Variants in DHX57 observed in about 807,000 individuals in gnomAD.
DHX57 encodes putative ATP-dependent RNA helicase DHX57.
DHX57 carries 105 observed loss-of-function variants against 156.2 expected under a neutral mutation model. The ratio of observed to expected loss-of-function variants is 0.67; its 90% CI spans 0.57 to 0.79. DHX57 has a LOEUF of 0.79. DHX57 is among the 30% of genes least tolerant of loss of function. The pLI, the probability that DHX57 is intolerant of heterozygous loss-of-function variation, is 0.00. For synonymous variants in DHX57, 704 were observed against 595.6 expected (o/e 1.18, Z -2.65); for missense variants, 1,847 against 1,661.9 (o/e 1.11, Z -1.94).
rs1453829090 is a variant in DHX57 at position 38,861,661 on chromosome 2, TC to T, written c.748del (p.Glu250LysfsTer15). ...GATGGACTTGAGAGCAAATGCCTCT[TC>T]CTGTCGCTGTTCCATACACTCATCC... ...SLDECMEQRQ[E>X]EAFALKSICG... On this transcript the variant is annotated frameshift_variant, in exon 5 of 24. Coordinates refer to ENST00000457308, the MANE Select transcript of DHX57 (RefSeq NM_198963.3). LOFTEE classifies it high-confidence loss of function. 6.2e-7 allele frequency: 1 copy of T among 1,614,042 alleles called. No individual in the cohort carries two copies. The highest frequency in any genetic ancestry group is 1.3e-5 in the African/African-American group (1 of 74,930).
intron 13 of DHX57, among the ~76,000 whole-genome samples, chr2:38,836,281 C>T (rs978160064): frequency 1.3e-5 from 2 of 152,210 alleles, no homozygotes; most frequent in African/African-American, 4.8e-5. Flanking sequence ...CCTCCCCTTC[C>T]ACTTCTTCCA....
intron 12 of DHX57, among the ~76,000 whole-genome samples, chr2:38,839,409 A>G (rs1054237453): frequency 7.5e-4 from 114 of 151,960 alleles, no homozygotes; most frequent in African/African-American, 2.4e-3. Flanking sequence ...GAGAAGTTTG[A>G]AGAGGGACAA....
chr2:38,817,049 G>A (rs1670579329), intron 19 of DHX57, among the ~76,000 whole-genome samples: 1 of 152,236 alleles, frequency 6.6e-6, no homozygotes, highest in South Asian at 2.1e-4. Context: ...GTGATTCTCA[G>A]CCTCCAAAGT....
Position 38,847,090 on chromosome 2 carries a change from AC to A in DHX57, c.2165-18del. On this transcript the variant is annotated intron_variant, in intron 10 of 23. Coordinates refer to ENST00000457308, the MANE Select transcript of DHX57 (RefSeq NM_198963.3). ...ATGTACGACCTAGAAAAACAAGGAG[AC>A]AAAATAGAAAGCCTGAGAACACCCA... 1 of 1,608,992 alleles carries A rather than the reference AC, an allele frequency of 6.2e-7. No homozygotes were observed. The highest frequency in any genetic ancestry group is 8.5e-7 in the Non-Finnish European group (1 of 1,175,828).
intron 17 of DHX57, among the ~76,000 whole-genome samples, chr2:38,822,090 A>AT (rs944598239): frequency 1.2e-4 from 18 of 148,566 alleles, no homozygotes; most frequent in Middle Eastern, 3.5e-3. Flanking sequence ...TTTAATGATA[A>AT]TTTTTTTTTT....
chr2:38,868,702 C>A (rs1206344132), intron 1 of DHX57, among the ~76,000 whole-genome samples: 1 of 152,114 alleles, frequency 6.6e-6, no homozygotes, highest in Non-Finnish European at 1.5e-5. Context: ...ATACAGATTT[C>A]TAAACTAAAG....
chr2:38,872,097 T>C (rs1665384355), intron 1 of DHX57, among the ~76,000 whole-genome samples: 1 of 152,218 alleles, frequency 6.6e-6, no homozygotes, highest in African/African-American at 2.4e-5. Flanking sequence ...TCGAATTACC[T>C]GTTATTAGGC....
rs774957747 is a variant in DHX57 at position 38,837,874 on chromosome 2, G to C, written c.2499C>G (p.Ala833=). ...FEKVNLELIE[A]LLEWIVDGKH... ...TTCCATCCACAATCCACTCTAATAAGGCCTCTATTAATTCAAGATTCACCT... is the reference window on the plus strand; with the variant it reads ...TTCCATCCACAATCCACTCTAATAACGCCTCTATTAATTCAAGATTCACCT... The change falls in exon 13 of 24, where the codon GCC becomes GCG. Residue 833 remains alanine, a synonymous_variant. Coordinates refer to ENST00000457308, the MANE Select transcript of DHX57 (RefSeq NM_198963.3). 2 of 1,613,408 alleles carry C rather than the reference G, an allele frequency of 1.2e-6. No homozygotes were observed. The highest frequency in any genetic ancestry group is 2.2e-5 in the East Asian group (1 of 44,860).
intron 9 of DHX57, among the ~76,000 whole-genome samples, chr2:38,852,470 T>C (rs1161584950): frequency 6.6e-6 from 1 of 151,908 alleles, no homozygotes; most frequent in Non-Finnish European, 1.5e-5. Flanking sequence ...GAAAACTTCA[T>C]AATTTTCACA....
intron 21 of DHX57, among the ~76,000 whole-genome samples, chr2:38,806,987 A>G (rs1669973988): frequency 6.6e-6 from 1 of 151,360 alleles, no homozygotes; most frequent in Non-Finnish European, 1.5e-5. Context: ...ACTGATGATC[A>G]GGTGCAGTGA....
At position 38,861,857 on chromosome 2, in the gene DHX57, AC is replaced by A. The variant is rs781603815; in HGVS notation, c.573-21del. Reference sequence around the variant, plus strand: ...CCATACCTGTCAAGGGCAAAACATGACAAAAATGACACATAAAAAGCAGTAT... The same window carrying A: ...CCATACCTGTCAAGGGCAAAACATGAAAAAATGACACATAAAAAGCAGTAT... On this transcript the variant is annotated intron_variant, in intron 4 of 23. Coordinates refer to ENST00000457308, the MANE Select transcript of DHX57 (RefSeq NM_198963.3). 1.3e-6 allele frequency: 2 copies of A among 1,553,080 alleles called. No homozygotes were observed. Among genetic ancestry groups the A allele is most frequent in the South Asian group, 2.4e-5 (2 of 82,044 alleles).
intron 10 of DHX57, among the ~76,000 whole-genome samples, chr2:38,848,031 C>T (rs1406934740): frequency 1.3e-5 from 2 of 151,222 alleles, no homozygotes; most frequent in Admixed American, 1.3e-4. Flanking sequence ...TGCAGTGAGC[C>T]GAGATCACGC....
At chr2:38,866,301 C>T (rs1360918486) in intron 2 of DHX57, among the ~76,000 whole-genome samples, 1 of 152,194 alleles carries the variant, frequency 6.6e-6, no homozygotes, top group Non-Finnish European at 1.5e-5. Flanking sequence ...CTTGCCCACT[C>T]ATTCTAGCCA....
At chr2:38,854,448 T>A in intron 8 of DHX57, 1 of 228,660 alleles carries the variant, frequency 4.4e-6, no homozygotes, top group Non-Finnish European at 8.5e-6. Flanking sequence ...CTTATTTGGT[T>A]AAATGGATTA....
intron 22 of DHX57, among the ~76,000 whole-genome samples, chr2:38,803,857 C>T (rs1324610567): frequency 6.6e-6 from 1 of 151,506 alleles, no homozygotes; most frequent in Non-Finnish European, 1.5e-5. Flanking sequence ...TCTTGGCTCA[C>T]TGCAACCTCT....
chr2:38,838,178 A>T (rs903898174), intron 12 of DHX57, among the ~76,000 whole-genome samples: 6 of 152,160 alleles, frequency 3.9e-5, no homozygotes, highest in African/African-American at 7.2e-5. Flanking sequence ...AGCTCACTGC[A>T]GCCTCGACCT....
At chr2:38,811,481 C>T (rs1670245390) in intron 21 of DHX57, 1 of 724,288 alleles carries the variant, frequency 1.4e-6, no homozygotes, top group Non-Finnish European at 2.5e-6. Flanking sequence ...CAATGAACAC[C>T]TTTTTGGACC....
intron 22 of DHX57, among the ~76,000 whole-genome samples, chr2:38,803,315 C>T (rs906828645): frequency 3.3e-5 from 5 of 151,660 alleles, no homozygotes; most frequent in African/African-American, 9.7e-5. Flanking sequence ...TGCAGTGTTC[C>T]CTATCTCAGG....
At chr2:38,823,604 G>T (rs1222676361) in intron 16 of DHX57, among the ~76,000 whole-genome samples, 2 of 152,150 alleles carry the variant, frequency 1.3e-5, no homozygotes, top group African/African-American at 2.4e-5. Context: ...AATGTAAAAT[G>T]ATGCAGCCAC....
Sources: allele counts gnomAD v4.1 joint callset (sites outside exome capture counted in the v4.1 genomes callset), GRCh38; gene constraint gnomAD v4.1.1; transcripts MANE v1.5; gene names NCBI Gene and HGNC (gene_info 2026-07-23, HGNC 2026-07-21).